Variants in RMP24 observed in about 807,000 individuals in gnomAD.
RMP24 encodes the protein ribonuclease MRP protein subunit p24.
chr18:35,972,708 C>T, the RMP24 span: 1 of 1,598,814 alleles, frequency 6.3e-7, no homozygotes, highest in Non-Finnish European at 8.5e-7. Context: ...CCGCGGCGAG[C>T]CAGCGGCAGC....
chr18:35,976,682 A>C, the RMP24 span, among the ~76,000 whole-genome samples: 1 of 152,306 alleles, frequency 6.6e-6, no homozygotes, highest in South Asian at 2.1e-4. Flanking sequence ...GGGGCTACTT[A>C]AATTTCCAGT....
chr18:35,977,896 T>C, the RMP24 span, among the ~76,000 whole-genome samples: 2 of 152,204 alleles, frequency 1.3e-5, no homozygotes, highest in Non-Finnish European at 2.9e-5. Flanking sequence ...GCCCCACAGC[T>C]AACCACTCAA....
chr18:35,974,286 G>T, the RMP24 span, among the ~76,000 whole-genome samples: 1 of 152,120 alleles, frequency 6.6e-6, no homozygotes, highest in African/African-American at 2.4e-5. Flanking sequence ...ATTTGACGTT[G>T]TTATATTTAT....
the RMP24 span, among the ~76,000 whole-genome samples, chr18:35,977,091 G>A: frequency 6.6e-6 from 1 of 152,108 alleles, no homozygotes; most frequent in African/African-American, 2.4e-5. Flanking sequence ...CAGGCACAGT[G>A]GAAGGCGCCT....
chr18:35,977,397 A>T, the RMP24 span: 1 of 1,598,126 alleles, frequency 6.3e-7, no homozygotes, highest in South Asian at 1.1e-5. Flanking sequence ...GATATTTCTT[A>T]TTTTTATGGT....
At chr18:35,979,099 T>C in the RMP24 span, 1 of 1,275,720 alleles carries the variant, frequency 7.8e-7, no homozygotes, top group African/African-American at 1.5e-5. Flanking sequence ...TAGATCTGAA[T>C]GCAAACTTTT....
At chr18:35,974,779 T>G in the RMP24 span, 9 of 924,180 alleles carry the variant, frequency 9.7e-6, no homozygotes, top group African/African-American at 1.5e-4. Context: ...ATTTTGAGTT[T>G]ACTTAATGTG....
At chr18:35,978,723 C>A in the RMP24 span, 3 of 940,160 alleles carry the variant, frequency 3.2e-6, no homozygotes, top group Non-Finnish European at 4.6e-6. Flanking sequence ...AGGGATTTGT[C>A]AAATGATAAT....
chr18:35,979,228 A>T, the RMP24 span: 5 of 371,320 alleles, frequency 1.3e-5, no homozygotes, highest in East Asian at 2.4e-4. Context: ...TTGTAGATAC[A>T]TATCTATAGA....
chr18:35,972,900 G>T, the RMP24 span: 4 of 1,614,140 alleles, frequency 2.5e-6, no homozygotes, highest in Non-Finnish European at 3.4e-6. Flanking sequence ...CCTACACTTC[G>T]TCGCACGGTA....
At chr18:35,973,114 A>G in the RMP24 span, 6 of 662,682 alleles carry the variant, frequency 9.1e-6, no homozygotes, top group African/African-American at 1.8e-5. Context: ...CACATTGATC[A>G]GTCTTGAAAT....
the RMP24 span, chr18:35,977,309 C>G: frequency 9.4e-7 from 1 of 1,065,340 alleles, no homozygotes; most frequent in African/African-American, 1.6e-5. Flanking sequence ...CCTATAGTAT[C>G]TGGTGTAGTC....
At chr18:35,973,894 T>G in the RMP24 span, 455 of 152,530 alleles carry the variant, frequency 3.0e-3, 2 homozygotes, top group Non-Finnish European at 4.5e-3. Flanking sequence ...TGCACTCCAC[T>G]CCTCACCACA....
the RMP24 span, among the ~76,000 whole-genome samples, chr18:35,974,683 A>G: frequency 5.3e-4 from 81 of 152,346 alleles, no homozygotes; most frequent in Non-Finnish European, 1.1e-3. Context: ...AGATTTGCCT[A>G]TCTGTTGCTG....
At chr18:35,977,361 TA>T in the RMP24 span, 1 of 1,540,326 alleles carries the variant, frequency 6.5e-7, no homozygotes, top group Non-Finnish European at 8.8e-7. Context: ...TTTATGGGGT[TA>T]AATTATAAGA....
the RMP24 span, chr18:35,977,264 C>A: frequency 3.1e-6 from 2 of 643,956 alleles, no homozygotes; most frequent in Non-Finnish European, 2.5e-6. Context: ...TACTAGATTG[C>A]AAGTTCCCCA....
At chr18:35,975,346 T>A in the RMP24 span, among the ~76,000 whole-genome samples, 1 of 152,236 alleles carries the variant, frequency 6.6e-6, no homozygotes. Flanking sequence ...TGTTGAGCAT[T>A]ATTTTTCACA....
At chr18:35,978,943 A>G in the RMP24 span, 1 of 1,612,694 alleles carries the variant, frequency 6.2e-7, no homozygotes, top group Non-Finnish European at 8.5e-7. Flanking sequence ...ATGAATCCCA[A>G]AAGATTCCAA....
chr18:35,978,344 G>A, the RMP24 span, among the ~76,000 whole-genome samples: 1 of 152,178 alleles, frequency 6.6e-6, no homozygotes, highest in South Asian at 2.1e-4. Flanking sequence ...TTCACGGCCG[G>A]GCATGGTGGC....
Sources: gnomAD v4.1 joint callset for allele counts (sites outside exome capture counted in the v4.1 genomes callset) on GRCh38, gnomAD v4.1.1 for gene constraint, MANE v1.5 for transcripts, NCBI Gene and HGNC (gene_info 2026-07-23, HGNC 2026-07-21) for gene names.